Variants in TCEA3 observed in about 807,000 individuals in gnomAD.
TCEA3 encodes the protein transcription elongation factor A protein 3.
Under a neutral mutation model 44.0 loss-of-function variants are expected in TCEA3, and 36 were observed. The observed-to-expected ratio is 0.82, with a 90% CI of 0.63 to 1.08. TCEA3 has a LOEUF of 1.08. Ranked by LOEUF, TCEA3 falls within the 50% of genes least tolerant of loss-of-function variation. The pLI, the probability that TCEA3 is intolerant of heterozygous loss-of-function variation, is 0.00. For synonymous variants in TCEA3, 162 were observed against 159.7 expected (o/e 1.01, Z -0.11); for missense variants, 392 against 441.2 (o/e 0.89, Z 1.00).
rs1303098279 is a variant in TCEA3 at position 23,381,083 on chromosome 1, ATT to A, written c.*381_*382del. On this transcript the variant is annotated 3_prime_UTR_variant, in exon 11 of 11. Coordinates refer to ENST00000450454, the MANE Select transcript of TCEA3 (RefSeq NM_003196.3). ...AGGTCTAAGGCGCTGCAGTTTCTTTATTTTTTCTTTTTATAGAGATGGGGTCT... is the reference window on the plus strand; with the variant it reads ...AGGTCTAAGGCGCTGCAGTTTCTTTATTTTCTTTTTATAGAGATGGGGTCT... The A allele has an allele frequency of 3.4e-5, 6 of 178,988 alleles. No individual in the cohort carries two copies. Among genetic ancestry groups the A allele is most frequent in the African/African-American group, 4.8e-5 (2 of 42,016 alleles). The allele number at this position is 178,988 out of a possible 1,614,324, so 11.1% of individuals were successfully genotyped here.
chr1:23,395,759 C>G (rs1461764830), intron 7 of TCEA3, among the ~76,000 whole-genome samples: 1 of 149,430 alleles, frequency 6.7e-6, no homozygotes, highest in Non-Finnish European at 1.5e-5. Flanking sequence ...ACCCAGAAGG[C>G]AGAGGTTGCA....
In TCEA3 at chr1:23,397,694, C is replaced by A; in HGVS notation, c.608-93G>T. The stretch of plus-strand genomic sequence containing the variant: ...TGGGACTAGAGTGTTCCTGTACCAT[C>A]CCTTGGGGTGCTGAGAAAGACTGAA... On this transcript the variant is annotated intron_variant, in intron 6 of 10. Transcript: ENST00000450454. 3.1e-6 allele frequency: 5 copies of A among 1,606,094 alleles called. No individual in the cohort carries two copies. In the South Asian group the frequency reaches 3.3e-5, roughly 11 times the overall value.
chr1:23,390,453 C>T (rs1251827290), intron 8 of TCEA3, among the ~76,000 whole-genome samples: 5 of 152,006 alleles, frequency 3.3e-5, no homozygotes, highest in Non-Finnish European at 1.5e-5. Flanking sequence ...TGCACTCCAG[C>T]CTGGGTGACA....
At chr1:23,382,318 G>A (rs1638691043) in intron 10 of TCEA3, among the ~76,000 whole-genome samples, 1 of 152,158 alleles carries the variant, frequency 6.6e-6, no homozygotes, top group South Asian at 2.1e-4. Flanking sequence ...GGAATTACAG[G>A]CACGAGCCAC....
At chr1:23,403,223 G>A (rs1323119467) in intron 5 of TCEA3, among the ~76,000 whole-genome samples, 1 of 152,200 alleles carries the variant, frequency 6.6e-6, no homozygotes, top group Non-Finnish European at 1.5e-5. Context: ...AATGGTGGTC[G>A]TTTTTGAAAC....
chr1:23,400,096 G>A (rs1425759972), intron 5 of TCEA3, among the ~76,000 whole-genome samples: 2 of 152,350 alleles, frequency 1.3e-5, no homozygotes, highest in African/African-American at 4.8e-5. Flanking sequence ...GAAGGAGAGG[G>A]AGTTGGAGAG....
chr1:23,407,496 C>A (rs922666657), intron 5 of TCEA3, among the ~76,000 whole-genome samples: 21 of 152,096 alleles, frequency 1.4e-4, no homozygotes, highest in African/African-American at 4.8e-4. Context: ...TTCACTGTTC[C>A]TTGACTCTGC....
At chr1:23,389,610 A>C (rs1638962050) in intron 8 of TCEA3, among the ~76,000 whole-genome samples, 1 of 152,094 alleles carries the variant, frequency 6.6e-6, no homozygotes, top group South Asian at 2.1e-4. Context: ...AGATCACGTC[A>C]CTGCACTCCA....
In TCEA3 at chr1:23,419,068, C is replaced by T. The variant is rs1639979809; in HGVS notation, c.132+9G>A. The T allele has an allele frequency of 1.9e-6, 3 of 1,544,702 alleles. No homozygotes were observed. The highest frequency in any genetic ancestry group is 2.6e-6 in the Non-Finnish European group (3 of 1,135,504). On this transcript the variant is annotated intron_variant, in intron 2 of 10. Coordinates refer to ENST00000450454, the MANE Select transcript of TCEA3 (RefSeq NM_003196.3). ...GGCACTGTCCCAAGGCTTCCCACCC[C>T]CGCCCCACCTGTAGTAGCTGGATGG...
chr1:23,412,781 G>A (rs1241385412), intron 4 of TCEA3, among the ~76,000 whole-genome samples: 1 of 152,214 alleles, frequency 6.6e-6, no homozygotes, highest in African/African-American at 2.4e-5. Flanking sequence ...AGGCCTGGGA[G>A]AGGAGAGGAA....
At chr1:23,389,273 A>G (rs1638947919) in intron 8 of TCEA3, among the ~76,000 whole-genome samples, 1 of 152,114 alleles carries the variant, frequency 6.6e-6, no homozygotes, top group Non-Finnish European at 1.5e-5. Flanking sequence ...GGATCACCTG[A>G]GGTCAGGAGT....
intron 5 of TCEA3, among the ~76,000 whole-genome samples, chr1:23,405,868 T>C (rs901586093): frequency 2.0e-5 from 3 of 152,198 alleles, no homozygotes; most frequent in Non-Finnish European, 4.4e-5. Context: ...GACCAGTGTT[T>C]CATCTGGGGA....
chr1:23,399,144 G>GTATATATGTATA (rs1553167290), intron 5 of TCEA3, among the ~76,000 whole-genome samples: 181 of 61,122 alleles, frequency 3.0e-3, no homozygotes, highest in Non-Finnish European at 4.3e-3. Flanking sequence ...ATGTATATAT[G>GTATATATGTATA]TATATATATA....
At chr1:23,413,986 G>GTATATATATATA (rs33960365) in intron 4 of TCEA3, among the ~76,000 whole-genome samples, 193 of 141,012 alleles carry the variant, frequency 1.4e-3, no homozygotes, top group African/African-American at 4.0e-3. Flanking sequence ...CTAGCAGGAT[G>GTATATATATATA]TATATATATA....
chr1:23,403,951 C>G (rs1639469553), intron 5 of TCEA3: 1 of 594,464 alleles, frequency 1.7e-6, no homozygotes, highest in African/African-American at 1.8e-5. Flanking sequence ...CGCCTGGGAA[C>G]TGAGCCAAAC....
chr1:23,391,500 TA>T (rs1238502131), intron 8 of TCEA3, among the ~76,000 whole-genome samples: 3 of 152,058 alleles, frequency 2.0e-5, no homozygotes, highest in Non-Finnish European at 4.4e-5. Flanking sequence ...GCTCCTCTAA[TA>T]GGGGCCTGAG....
At position 23,417,306 on chromosome 1, in the gene TCEA3, C is replaced by T; in HGVS notation, c.323G>A (p.Trp108Ter). The T allele has an allele frequency of 6.2e-7, 1 of 1,614,034 alleles. No homozygotes were observed. Among genetic ancestry groups the T allele is most frequent in the Non-Finnish European group, 8.5e-7 (1 of 1,179,898 alleles). Residue 108 changes from tryptophan (W) to a stop codon, truncating the protein, a stop_gained, in exon 4 of 11, where the codon TGG becomes TAG. Transcript: ENST00000450454. LOFTEE classifies it high-confidence loss of function. ...KKEKGLECSD[W>*]KPEAGLSPPR... Reference sequence around the variant, plus strand: ...TGGAGAAAGGCCTGCTTCTGGCTTCCAGTCTGAACACTCAAGCCCTTTTTC... The same window carrying T: ...TGGAGAAAGGCCTGCTTCTGGCTTCTAGTCTGAACACTCAAGCCCTTTTTC...
At chr1:23,420,260 G>C (rs1375780609) in intron 1 of TCEA3, among the ~76,000 whole-genome samples, 1 of 152,092 alleles carries the variant, frequency 6.6e-6, no homozygotes, top group African/African-American at 2.4e-5. Flanking sequence ...GGCATTTTTT[G>C]AGACAAGATC....
chr1:23,392,382 A>C (rs375284766), intron 8 of TCEA3, among the ~76,000 whole-genome samples: 2 of 147,132 alleles, frequency 1.4e-5, no homozygotes, highest in Non-Finnish European at 3.0e-5. Flanking sequence ...TCCACACATC[A>C]TACACAAAAC....
Sources: gnomAD v4.1 joint callset for allele counts (sites outside exome capture counted in the v4.1 genomes callset) on GRCh38, gnomAD v4.1.1 for gene constraint, MANE v1.5 for transcripts, NCBI Gene and HGNC (gene_info 2026-07-23, HGNC 2026-07-21) for gene names.